The following GRIP1 variants were observed in gnomAD, a reference collection of about 807,000 sequenced individuals.
GRIP1 encodes glutamate receptor interacting protein 1, also known as glutamate receptor-interacting protein 1.
A neutral mutation model predicts 129.9 loss-of-function variants in GRIP1; 45 were observed. That is an observed-to-expected ratio of 0.35 (90% CI 0.27 to 0.44). GRIP1 has a LOEUF of 0.44. Ranked by LOEUF, GRIP1 falls within the 20% of genes least tolerant of loss-of-function variation. GRIP1 has a pLI of 1.00. For missense variants in GRIP1, 1,196 were observed against 1,396.8 expected (o/e 0.86, Z 2.29); for synonymous variants, 530 against 520.8 (o/e 1.02, Z -0.24).
intron 1 of GRIP1, among the ~76,000 whole-genome samples, chr12:66,826,997 G>T (rs564581198): frequency 6.6e-6 from 1 of 152,240 alleles, no homozygotes; most frequent in African/African-American, 2.4e-5. Context: ...TAATGTCTAA[G>T]ATTTCTCTCT....
At chr12:66,608,784 T>C (rs1372292506) in intron 1 of GRIP1, among the ~76,000 whole-genome samples, 4 of 152,022 alleles carry the variant, frequency 2.6e-5, no homozygotes, top group African/African-American at 7.2e-5. Context: ...CCACATAGGA[T>C]TGCTGTGAGG....
chr12:66,427,550 T>A (rs770401866), intron 14 of GRIP1, among the ~76,000 whole-genome samples: 1 of 152,178 alleles, frequency 6.6e-6, no homozygotes, highest in Non-Finnish European at 1.5e-5. Context: ...CAAGTCAGCA[T>A]CACAAAGCAT....
intron 1 of GRIP1, among the ~76,000 whole-genome samples, chr12:67,012,840 A>G (rs972953138): frequency 1.1e-4 from 17 of 152,178 alleles, no homozygotes; most frequent in Non-Finnish European, 2.2e-4. Context: ...ACCCCTCAAA[A>G]GCAATCTGCA....
chr12:66,810,428 C>T (rs1014463529), intron 1 of GRIP1, among the ~76,000 whole-genome samples: 5 of 151,954 alleles, frequency 3.3e-5, no homozygotes, highest in East Asian at 1.9e-4. Flanking sequence ...TGTGGTGGTG[C>T]GTGCCTGTAA....
chr12:66,502,914 A>G (rs1321832448), intron 7 of GRIP1, among the ~76,000 whole-genome samples: 1 of 152,218 alleles, frequency 6.6e-6, no homozygotes, highest in African/African-American at 2.4e-5. Context: ...AGACCCAGAA[A>G]TGAACAATTA....
intron 1 of GRIP1, among the ~76,000 whole-genome samples, chr12:66,895,985 A>G (rs1301768662): frequency 4.6e-5 from 7 of 152,208 alleles, no homozygotes; most frequent in Non-Finnish European, 8.8e-5. Context: ...TATACTGGTA[A>G]AGAATCAATG....
At chr12:66,361,425 A>C (rs2054758498) in intron 23 of GRIP1, among the ~76,000 whole-genome samples, 1 of 152,176 alleles carries the variant, frequency 6.6e-6, no homozygotes, top group South Asian at 2.1e-4. Context: ...TCCCAACCAA[A>C]AAAGTTACAC....
intron 13 of GRIP1, among the ~76,000 whole-genome samples, chr12:66,438,754 C>T (rs2058387095): frequency 6.6e-6 from 1 of 152,050 alleles, no homozygotes; most frequent in South Asian, 2.1e-4. Flanking sequence ...CCTTGGCCTC[C>T]CAAAGTGCTG....
intron 5 of GRIP1, among the ~76,000 whole-genome samples, chr12:66,520,099 A>G (rs940961255): frequency 1.3e-5 from 2 of 152,216 alleles, no homozygotes; most frequent in African/African-American, 2.4e-5. Context: ...GTTCCATTCT[A>G]TTAGGTTAGA....
chr12:66,793,730 A>C (rs2038613696), intron 1 of GRIP1, among the ~76,000 whole-genome samples: 1 of 152,132 alleles, frequency 6.6e-6, no homozygotes, highest in Admixed American at 6.5e-5. Context: ...AGGATGGCAC[A>C]CAGCACTGCA....
chr12:66,748,945 CT>C (rs1224779109), intron 1 of GRIP1, among the ~76,000 whole-genome samples: 1 of 152,136 alleles, frequency 6.6e-6, no homozygotes, highest in African/African-American at 2.4e-5. Context: ...AAATCCCAGA[CT>C]TCTCTATATA....
At chr12:66,883,677 A>AT (rs1350352597) in intron 1 of GRIP1, among the ~76,000 whole-genome samples, 1 of 152,190 alleles carries the variant, frequency 6.6e-6, no homozygotes, top group Non-Finnish European at 1.5e-5. Flanking sequence ...CCTGGTTTGC[A>AT]TAGTAAAGCC....
At chr12:66,935,515 G>A (rs763517567) in intron 1 of GRIP1, among the ~76,000 whole-genome samples, 22 of 152,096 alleles carry the variant, frequency 1.4e-4, no homozygotes, top group Non-Finnish European at 2.4e-4. Context: ...GTGGGGAGAG[G>A]AAAAGGTCTA....
At chr12:66,710,920 T>C (rs2136398204) in intron 1 of GRIP1, among the ~76,000 whole-genome samples, 1 of 152,006 alleles carries the variant, frequency 6.6e-6, no homozygotes, top group Middle Eastern at 3.4e-3. Context: ...CTTCACATAG[T>C]ATATGATAGT....
At chr12:66,913,988 G>A (rs1386571925) in intron 1 of GRIP1, among the ~76,000 whole-genome samples, 1 of 152,120 alleles carries the variant, frequency 6.6e-6, no homozygotes, top group East Asian at 1.9e-4. Flanking sequence ...ATGTGTAATA[G>A]TATACTCTTG....
In GRIP1 at chr12:66,933,825, C is replaced by T. The variant is rs187152270; in HGVS notation, c.58+135225G>A. On this transcript the variant is annotated intron_variant, in intron 1 of 1. Coordinates refer to the GRIP1 transcript ENST00000643019. ...ATGTCACTAAGCAGCCTCTATTCTGCATAATATTAAGCTATAGTCCAGATC... is the reference window on the plus strand; with the variant it reads ...ATGTCACTAAGCAGCCTCTATTCTGTATAATATTAAGCTATAGTCCAGATC... Among the ~76,000 whole-genome samples the T allele has an allele frequency of 1.2e-4, 19 of 152,270 alleles. 1 individual carries two copies. In the East Asian group the frequency reaches 3.7e-3, roughly 29 times the overall value.
intron 1 of GRIP1, among the ~76,000 whole-genome samples, chr12:66,971,628 G>C (rs1453653760): frequency 3.3e-5 from 5 of 152,128 alleles, no homozygotes; most frequent in Non-Finnish European, 7.3e-5. Context: ...GACAGAAAAA[G>C]GATATATGCA....
At position 66,406,378 on chromosome 12, in the gene GRIP1, C is replaced by T. The variant is rs777033311; in HGVS notation, c.1889G>A (p.Arg630Gln). Reference sequence around the variant, plus strand: ...ATCTTCCATGGAACAGTTGTCCAGCCGGATATTATCTATTGCGAGCAATTT... The same window carrying T: ...ATCTTCCATGGAACAGTTGTCCAGCTGGATATTATCTATTGCGAGCAATTT... ...GDKLLAIDNI[R>Q]LDNCSMEDAV... is the part of the protein sequence containing the mutation. The change falls in exon 16 of 25, where the codon CGG (arginine) becomes CAG (glutamine). Residue 630 changes from arginine to glutamine, a missense_variant. Around this residue, in one of 5 missense-constraint regions of GRIP1, gnomAD observed 508 missense variants for 587.0 expected, o/e 0.87. Transcript: ENST00000359742. 1.2e-5 allele frequency: 19 copies of T among 1,614,026 alleles called. No homozygotes were observed. Among genetic ancestry groups the T allele is most frequent in the Admixed American group, 1.7e-5 (1 of 60,004 alleles).
At chr12:66,651,719 A>T (rs1238712657) in intron 1 of GRIP1, among the ~76,000 whole-genome samples, 1 of 152,168 alleles carries the variant, frequency 6.6e-6, no homozygotes, top group African/African-American at 2.4e-5. Context: ...TGAGGAAAAA[A>T]AATTCATTTG....
Sources: gnomAD v4.1 joint callset for allele counts (sites outside exome capture counted in the v4.1 genomes callset) on GRCh38, gnomAD v4.1.1 for gene constraint, gnomAD v4.1.1 regional missense constraint, MANE v1.5 for transcripts, NCBI Gene and HGNC (gene_info 2026-07-23, HGNC 2026-07-21) for gene names.